The following LSMEM2 variants were observed in gnomAD, a reference collection of about 807,000 sequenced individuals.
LSMEM2 encodes the protein leucine-rich single-pass membrane protein 2.
Under a neutral mutation model 17.3 loss-of-function variants are expected in LSMEM2, and 20 were observed. The ratio of observed to expected loss-of-function variants is 1.16; its 90% CI spans 0.81 to 1.68. The LOEUF is 1.68. Ranked by LOEUF, LSMEM2 falls within the 40% of genes most tolerant of loss-of-function variation. The pLI is 0.00. For missense variants in LSMEM2, 207 were observed against 214.3 expected (o/e 0.97, Z 0.21); for synonymous variants, 94 against 97.8 (o/e 0.96, Z 0.23).
chr3:50,286,952 A>C (rs1701561098), intron 3 of LSMEM2, 90 bp downstream of exon 3: 1 of 1,583,846 alleles, frequency 6.3e-7, no homozygotes, highest in Non-Finnish European at 8.6e-7. Context: ...GTAACTGCAG[A>C]TGCTGCAGCA....
At chr3:50,283,469 T>A (rs1701443868) in intron 1 of LSMEM2, among the ~76,000 whole-genome samples, 2 of 150,876 alleles carry the variant, frequency 1.3e-5, no homozygotes, top group Non-Finnish European at 3.0e-5. Context: ...CTACTAAAAA[T>A]ACAAAAAATT....
At chr3:50,281,287 C>T (rs1181267565) in intron 1 of LSMEM2, among the ~76,000 whole-genome samples, 1 of 150,540 alleles carries the variant, frequency 6.6e-6, no homozygotes, top group Non-Finnish European at 1.5e-5. Flanking sequence ...GTCTCGATCT[C>T]CTGACCTCGT....
In LSMEM2 at chr3:50,285,405, C is replaced by T. The variant is rs184032656; in HGVS notation, c.59-1066C>T. On this transcript the variant is annotated intron_variant, in intron 1 of 3. Coordinates refer to ENST00000316436, the MANE Select transcript of LSMEM2 (RefSeq NM_153215.3). ...TGTAAATGCCAGGACTTTGGAAGGC[C>T]GAGGCGGGCAGATCACTTGAGGTCA... Among the ~76,000 whole-genome samples the T allele has an allele frequency of 2.0e-4, 31 of 151,520 alleles. No homozygotes were observed. The South Asian group carries it at 4.0e-3, about 19-fold the overall frequency.
intron 1 of LSMEM2, among the ~76,000 whole-genome samples, chr3:50,285,466 C>CTCA (rs1701495393): frequency 6.6e-6 from 1 of 151,982 alleles, no homozygotes; most frequent in African/African-American, 2.4e-5. Flanking sequence ...ATGGTGAATC[C>CTCA]TCATCTCTAC....
chr3:50,279,978 C>A (rs1701355523), intron 1 of LSMEM2, among the ~76,000 whole-genome samples: 1 of 151,700 alleles, frequency 6.6e-6, no homozygotes. Flanking sequence ...CAGATTCAAG[C>A]AATTCTCTGC....
intron 1 of LSMEM2, among the ~76,000 whole-genome samples, chr3:50,284,584 T>G (rs1011613095): frequency 6.6e-6 from 1 of 151,486 alleles, no homozygotes; most frequent in African/African-American, 2.4e-5. Flanking sequence ...ACAAAAAAAA[T>G]TAACTGGGCA....
At position 50,287,407 on chromosome 3, in the gene LSMEM2, A is replaced by G. The variant is rs1423842548; in HGVS notation, c.*205A>G. On this transcript the variant is annotated 3_prime_UTR_variant, in exon 4 of 4. Coordinates refer to ENST00000316436, the MANE Select transcript of LSMEM2 (RefSeq NM_153215.3). Reference sequence around the variant, plus strand: ...AGGCCTAGCCAAGCCTCTGGTGCCAAAGCCTCGCTTTGGGTGGCCCAAGGT... The same window carrying G: ...AGGCCTAGCCAAGCCTCTGGTGCCAGAGCCTCGCTTTGGGTGGCCCAAGGT... 1.4e-6 allele frequency: 1 copy of G among 713,860 alleles called. No homozygotes were observed. The highest frequency in any genetic ancestry group is 2.3e-6 in the Non-Finnish European group (1 of 443,882). The allele number at this position is 713,860 out of a possible 1,614,324, so 44.2% of individuals were successfully genotyped here.
At chr3:50,285,252 A>G (rs1701487455) in intron 1 of LSMEM2, among the ~76,000 whole-genome samples, 1 of 150,528 alleles carries the variant, frequency 6.6e-6, no homozygotes, top group Non-Finnish European at 1.5e-5. Flanking sequence ...AACTGATTGA[A>G]CCCGGGAGGC....
intron 3 of LSMEM2, 73 bp downstream of exon 3, chr3:50,286,935 G>A: frequency 6.3e-7 from 1 of 1,588,836 alleles, no homozygotes; most frequent in Admixed American, 1.7e-5. Flanking sequence ...CTGTGCAGCT[G>A]GAAGGAGTAA....
rs782279985 is a variant in LSMEM2 at position 50,287,172 on chromosome 3, C to T, written c.465C>T (p.Leu155=). ...RLASLSQLRR[L]NSSEAQAPS is the part of the protein sequence containing the mutation. Reference sequence around the variant, plus strand: ...CCAGCCTCAGCCAGCTTCGGAGGCTCAACTCCAGTGAGGCCCAAGCACCCA... The same window carrying T: ...CCAGCCTCAGCCAGCTTCGGAGGCTTAACTCCAGTGAGGCCCAAGCACCCA... The change falls in exon 4 of 4, where the codon CTC becomes CTT. Residue 155 remains leucine (L), a synonymous_variant. Transcript: ENST00000316436. 1 of 1,614,004 alleles carries T rather than the reference C, an allele frequency of 6.2e-7. No homozygotes were observed. The highest frequency in any genetic ancestry group is 2.2e-5 in the East Asian group (1 of 44,858).
chr3:50,286,749 T>A lies in LSMEM2; in HGVS notation c.248T>A (p.Leu83Gln), dbSNP rs782598557. ...CTGCTGGGCGTTTTGCCGCCGTCACTGTGTGCCCAGGCTGGCTGCAGCCCT... is the reference window on the plus strand; with the variant it reads ...CTGCTGGGCGTTTTGCCGCCGTCACAGTGTGCCCAGGCTGGCTGCAGCCCT... The part of the protein sequence containing the change: ...DELLGVLPPS[L>Q]CAQAGCSPVY... Residue 83 changes from leucine to glutamine, a missense_variant, in exon 3 of 4, where the codon CTG becomes CAG. Leu to Gln is a moderately radical substitution (Grantham distance 113). Coordinates refer to ENST00000316436, the MANE Select transcript of LSMEM2 (RefSeq NM_153215.3). 19 of 1,614,226 alleles carry A rather than the reference T, an allele frequency of 1.2e-5. No homozygotes were observed. The highest frequency in any genetic ancestry group is 1.4e-5 in the Non-Finnish European group (17 of 1,180,026).
At chr3:50,281,673 T>C (rs1553707784) in intron 1 of LSMEM2, among the ~76,000 whole-genome samples, 1 of 136,676 alleles carries the variant, frequency 7.3e-6, no homozygotes, top group East Asian at 2.0e-4. Flanking sequence ...GCAGGGAATT[T>C]TTTTTTTTTT....
Position 50,288,007 on chromosome 3 carries a change from G to T in LSMEM2, c.*805G>T. ...ACAGGAAGGGGCCACAGGGCTGAGT[G>T]CAGGGACAAAGGGGTCAGGGTCCCA... On this transcript the variant is annotated 3_prime_UTR_variant, in exon 4 of 4. Transcript: ENST00000316436. 1.6e-6 allele frequency: 1 copy of T among 612,116 alleles called. No individual in the cohort carries two copies. Among genetic ancestry groups the T allele is most frequent in the South Asian group, 1.8e-5 (1 of 54,240 alleles). The allele number at this position is 612,116 out of a possible 1,614,324, so 37.9% of individuals were successfully genotyped here. A position where few individuals can be genotyped will look rare whatever the true frequency, so the allele number is the denominator to read the frequency against.
At chr3:50,286,344 T>TA in intron 1 of LSMEM2, 127 bp from the exon 2 acceptor site, 1 of 1,372,578 alleles carries the variant, frequency 7.3e-7, no homozygotes, top group Non-Finnish European at 9.7e-7. Context: ...TGAGTCAGTT[T>TA]TAGGGGATTT....
At chr3:50,279,964 C>G (rs1389726203) in intron 1 of LSMEM2, among the ~76,000 whole-genome samples, 3 of 151,992 alleles carry the variant, frequency 2.0e-5, no homozygotes, top group African/African-American at 7.3e-5. Context: ...CAACCTCCGC[C>G]TCCCAGATTC....
At chr3:50,284,067 A>G (rs1437559780) in intron 1 of LSMEM2, among the ~76,000 whole-genome samples, 4 of 151,756 alleles carry the variant, frequency 2.6e-5, no homozygotes, top group Admixed American at 6.6e-5. Context: ...TTAGCCAGGC[A>G]TGGTGGCAGG....
chr3:50,284,268 CAATAA>C (rs1701467828), intron 1 of LSMEM2, among the ~76,000 whole-genome samples: 1 of 151,026 alleles, frequency 6.6e-6, no homozygotes, highest in African/African-American at 2.4e-5. Context: ...CTAAGAAACC[CAATAA>C]AATAAGAAAG....
At chr3:50,280,190 T>TTTTTTTG (rs1553707587) in intron 1 of LSMEM2, among the ~76,000 whole-genome samples, 4 of 148,388 alleles carry the variant, frequency 2.7e-5, no homozygotes, top group Non-Finnish European at 3.0e-5. Flanking sequence ...TTTTTTTTTT[T>TTTTTTTG]GTCACCCAGG....
intron 3 of LSMEM2, 64 bp from the exon 4 acceptor site, chr3:50,287,005 G>A: frequency 6.2e-7 from 1 of 1,603,674 alleles, no homozygotes; most frequent in Non-Finnish European, 8.5e-7. Context: ...CCTGGTCCTG[G>A]GCTGGGTCTG....
Sources: gnomAD v4.1 joint callset for allele counts (sites outside exome capture counted in the v4.1 genomes callset) on GRCh38, gnomAD v4.1.1 for gene constraint, MANE v1.5 for transcripts, NCBI Gene and HGNC (gene_info 2026-07-23, HGNC 2026-07-21) for gene names.